Variants in RAB31 observed in about 807,000 individuals in gnomAD.
RAB31 encodes ras-related protein Rab-31.
A neutral mutation model predicts 25.6 loss-of-function variants in RAB31; 21 were observed. The observed-to-expected ratio is 0.82, with a 90% CI of 0.58 to 1.18. The LOEUF (loss-of-function observed/expected upper bound fraction) is 1.18, where lower values mean the gene tolerates loss of function less well. Among genes scored for constraint, RAB31 ranks in the 50% most tolerant of loss-of-function variants. RAB31 has a pLI of 0.00. For synonymous variants in RAB31, 87 were observed against 84.0 expected (o/e 1.04, Z -0.20); for missense variants, 196 against 250.1 (o/e 0.78, Z 1.46).
chr18:9,823,484 T>C (rs1326364165), intron 5 of RAB31, among the ~76,000 whole-genome samples: 2 of 152,170 alleles, frequency 1.3e-5, no homozygotes, highest in Non-Finnish European at 2.9e-5. Context: ...TATTATACCA[T>C]AGTTTTTCAA....
At chr18:9,729,671 G>A (rs1453280217) in intron 1 of RAB31, among the ~76,000 whole-genome samples, 1 of 142,196 alleles carries the variant, frequency 7.0e-6, no homozygotes, top group Non-Finnish European at 1.5e-5. Context: ...CCCTCTAAAT[G>A]CCTAGCTGGT....
chr18:9,859,881 G>C lies in RAB31; in HGVS notation c.*556G>C, dbSNP rs2068838619. 6.6e-6 allele frequency: 1 copy of C among 152,278 alleles called. No individual in the cohort carries two copies. Among genetic ancestry groups the C allele is most frequent in the Admixed American group, 6.5e-5 (1 of 15,288 alleles). 9.4% of individuals were successfully genotyped at this position (152,278 alleles called of 1,614,324 possible). Reference sequence around the variant, plus strand: ...GACCGTCACTCAGACTGAGACTTGAGTTATTACAGAAGCCAGGAAAAGTGT... The same window carrying C: ...GACCGTCACTCAGACTGAGACTTGACTTATTACAGAAGCCAGGAAAAGTGT... On this transcript the variant is annotated 3_prime_UTR_variant, in exon 7 of 7. Transcript: ENST00000578921.
chr18:9,850,433 G>C (rs749329994), intron 6 of RAB31, among the ~76,000 whole-genome samples: 1 of 152,202 alleles, frequency 6.6e-6, no homozygotes. Context: ...CTGGTTTGTG[G>C]ATTTTAATTA....
intron 1 of RAB31, among the ~76,000 whole-genome samples, chr18:9,750,592 C>T (rs1162627075): frequency 2.6e-5 from 4 of 152,208 alleles, no homozygotes; most frequent in South Asian, 2.1e-4. Context: ...TGTGGAAAGG[C>T]GCCTTTGTGC....
At chr18:9,824,461 GGT>G (rs1212631646) in intron 5 of RAB31, among the ~76,000 whole-genome samples, 4 of 151,082 alleles carry the variant, frequency 2.6e-5, no homozygotes, top group Non-Finnish European at 5.9e-5. Context: ...TGTGTGTGTA[GGT>G]GTGTGTGTGT....
At chr18:9,754,702 A>T (rs868400622) in intron 1 of RAB31, among the ~76,000 whole-genome samples, 4 of 152,352 alleles carry the variant, frequency 2.6e-5, no homozygotes, top group South Asian at 4.1e-4. Flanking sequence ...GAGGATGTGC[A>T]TGGGTTATAT....
At chr18:9,746,035 A>G (rs1327817393) in intron 1 of RAB31, among the ~76,000 whole-genome samples, 2 of 152,240 alleles carry the variant, frequency 1.3e-5, no homozygotes, top group Admixed American at 1.3e-4. Context: ...AGAATTCACA[A>G]AAAACAACTA....
intron 5 of RAB31, among the ~76,000 whole-genome samples, chr18:9,844,280 T>C (rs2068749396): frequency 6.6e-6 from 1 of 151,894 alleles, no homozygotes; most frequent in African/African-American, 2.4e-5. Flanking sequence ...TTCGGGCCCG[T>C]GTCATTCATT....
chr18:9,831,742 A>G (rs2068679655), intron 5 of RAB31, among the ~76,000 whole-genome samples: 1 of 152,196 alleles, frequency 6.6e-6, no homozygotes, highest in Admixed American at 6.5e-5. Context: ...AAGGCATTGC[A>G]TAAGTAATGT....
chr18:9,855,682 G>A (rs1311388205), intron 6 of RAB31, among the ~76,000 whole-genome samples: 1 of 152,056 alleles, frequency 6.6e-6, no homozygotes, highest in African/African-American at 2.4e-5. Flanking sequence ...TAAAGGTGCC[G>A]GCCTCATTGT....
intron 1 of RAB31, among the ~76,000 whole-genome samples, chr18:9,771,316 C>T (rs145748507): frequency 2.6e-5 from 4 of 152,280 alleles, no homozygotes; most frequent in African/African-American, 9.6e-5. Context: ...CACACTGTTT[C>T]CTCTTTACCA....
chr18:9,720,674 CTTTT>C (rs796200232), intron 1 of RAB31, among the ~76,000 whole-genome samples: 1 of 134,116 alleles, frequency 7.5e-6, no homozygotes, highest in Non-Finnish European at 1.6e-5. Context: ...GTAATTTTCT[CTTTT>C]TTTTTTTTTT....
At chr18:9,824,252 GTA>G (rs1434841500) in intron 5 of RAB31, among the ~76,000 whole-genome samples, 1 of 151,584 alleles carries the variant, frequency 6.6e-6, no homozygotes, top group Non-Finnish European at 1.5e-5. Context: ...ATGTATGTGT[GTA>G]TGAGTGTGTG....
chr18:9,732,071 G>T (rs1292523615), intron 1 of RAB31, among the ~76,000 whole-genome samples: 1 of 152,182 alleles, frequency 6.6e-6, no homozygotes, highest in Non-Finnish European at 1.5e-5. Flanking sequence ...AGGATGAGCA[G>T]CGAGAAACGA....
chr18:9,780,021 C>G (rs569136194), intron 2 of RAB31, among the ~76,000 whole-genome samples: 8 of 152,038 alleles, frequency 5.3e-5, no homozygotes, highest in Admixed American at 3.3e-4. Flanking sequence ...CAAAAAAATA[C>G]AAAAATTAAC....
intron 1 of RAB31, among the ~76,000 whole-genome samples, chr18:9,773,469 A>T (rs767265896): frequency 2.0e-5 from 3 of 152,132 alleles, no homozygotes; most frequent in Admixed American, 1.3e-4. Flanking sequence ...CAGTAGGAAC[A>T]TGTTGGCAAC....
intron 1 of RAB31, among the ~76,000 whole-genome samples, chr18:9,739,331 G>A (rs992544876): frequency 5.3e-5 from 8 of 152,104 alleles, no homozygotes; most frequent in African/African-American, 1.9e-4. Context: ...AATTAGCTGG[G>A]TGTGGTGGCG....
At chr18:9,775,184 G>T in intron 1 of RAB31, 94 bp from the exon 2 acceptor site, 8 of 1,583,316 alleles carry the variant, frequency 5.1e-6, no homozygotes, top group Non-Finnish European at 6.9e-6. Context: ...GAAATAGCCA[G>T]TCGTGTCCTC....
intron 5 of RAB31, among the ~76,000 whole-genome samples, chr18:9,840,157 G>A (rs1248253772): frequency 2.6e-5 from 4 of 152,190 alleles, no homozygotes; most frequent in South Asian, 4.1e-4. Context: ...AGCAGCCAGG[G>A]GACAGGGCTG....
Sources: gnomAD v4.1 joint callset for allele counts (sites outside exome capture counted in the v4.1 genomes callset) on GRCh38, gnomAD v4.1.1 for gene constraint, MANE v1.5 for transcripts, NCBI Gene and HGNC (gene_info 2026-07-23, HGNC 2026-07-21) for gene names.